Variants in LHFPL3 observed in about 807,000 individuals in gnomAD.
The protein encoded by LHFPL3 is LHFPL tetraspan subfamily member 3.
Under a neutral mutation model 19.3 loss-of-function variants are expected in LHFPL3, and 5 were observed. The ratio of observed to expected loss-of-function variants is 0.26; its 90% CI spans 0.14 to 0.54. The LOEUF is 0.54. Among genes scored for constraint, LHFPL3 ranks in the 20% least tolerant of loss-of-function variants. The pLI, the probability that LHFPL3 is intolerant of heterozygous loss-of-function variation, is 0.94. For synonymous variants in LHFPL3, 133 were observed against 126.2 expected, an observed-to-expected ratio of 1.05 and a Z score of -0.36; for missense variants, 249 against 307.4, an observed-to-expected ratio of 0.81 and a Z score of 1.42.
intron 2 of LHFPL3, among the ~76,000 whole-genome samples, chr7:104,756,499 T>TTTTA (rs1005556944): frequency 6.6e-6 from 1 of 152,072 alleles, no homozygotes; most frequent in Admixed American, 6.6e-5. Context: ...ACAATTTTAT[T>TTTTA]TTTATTTATT....
At chr7:104,368,085 T>C (rs4383914) in intron 1 of LHFPL3, among the ~76,000 whole-genome samples, 59,703 of 152,024 alleles carry the variant, frequency 0.39, 11,982 homozygotes, top group East Asian at 0.47. Flanking sequence ...TAGAGAGAAG[T>C]ATTGAGTGAA....
intron 2 of LHFPL3, among the ~76,000 whole-genome samples, chr7:104,767,253 A>T (rs553295781): frequency 6.6e-6 from 1 of 152,320 alleles, no homozygotes; most frequent in South Asian, 2.1e-4. Context: ...TCCGGGTAAG[A>T]TGGAGCTGAG....
intron 2 of LHFPL3, among the ~76,000 whole-genome samples, chr7:104,765,297 C>A (rs1349152213): frequency 6.6e-6 from 1 of 152,198 alleles, no homozygotes; most frequent in Non-Finnish European, 1.5e-5. Context: ...TGATAAAACA[C>A]ATCTGAAGTA....
chr7:104,454,103 G>A (rs1039001484), intron 1 of LHFPL3, among the ~76,000 whole-genome samples: 2 of 152,206 alleles, frequency 1.3e-5, no homozygotes, highest in South Asian at 2.1e-4. Flanking sequence ...CTTTGGGAAC[G>A]GTAATACCAT....
At chr7:104,586,344 T>C (rs781672321) in intron 1 of LHFPL3, among the ~76,000 whole-genome samples, 22 of 152,106 alleles carry the variant, frequency 1.4e-4, no homozygotes, top group Non-Finnish European at 3.1e-4. Flanking sequence ...AAAACAGCTA[T>C]TATAATTCAC....
intron 2 of LHFPL3, among the ~76,000 whole-genome samples, chr7:104,853,622 T>C (rs143294209): frequency 1.1e-3 from 167 of 152,344 alleles, no homozygotes; most frequent in African/African-American, 3.8e-3. Flanking sequence ...TTTATTTACT[T>C]AGAATGACAT....
chr7:104,660,003 CG>C (rs1792194381), intron 1 of LHFPL3, among the ~76,000 whole-genome samples: 2 of 81,762 alleles, frequency 2.4e-5, no homozygotes, highest in East Asian at 4.4e-4. Context: ...CACAGCAACT[CG>C]TTTTTTTTTT....
intron 1 of LHFPL3, among the ~76,000 whole-genome samples, 164 bp downstream of exon 1, chr7:104,329,388 C>G (rs1801527690): frequency 6.6e-6 from 1 of 152,146 alleles, no homozygotes; most frequent in Admixed American, 6.5e-5. Flanking sequence ...GAGGCCGGAA[C>G]CCCCGGGGTT....
intron 2 of LHFPL3, among the ~76,000 whole-genome samples, chr7:104,867,565 C>T (rs879672142): frequency 6.6e-6 from 1 of 152,136 alleles, no homozygotes; most frequent in Non-Finnish European, 1.5e-5. Context: ...ATAACAGACT[C>T]TGAAATTGAG....
intron 2 of LHFPL3, among the ~76,000 whole-genome samples, chr7:104,802,668 T>TTATCAGTTACCCAGGCTAAGA: frequency 6.6e-6 from 1 of 152,100 alleles, no homozygotes; most frequent in East Asian, 1.9e-4. Flanking sequence ...TTTCTGTTGT[T>TTATCAGTTACCCAGGCTAAGA]TATCAGTTAC....
At chr7:104,747,004 G>C (rs1361522825) in intron 2 of LHFPL3, among the ~76,000 whole-genome samples, 1 of 152,046 alleles carries the variant, frequency 6.6e-6, no homozygotes, top group Non-Finnish European at 1.5e-5. Context: ...TTTTTCATCT[G>C]GTTGCTTTAC....
At chr7:104,558,304 A>G (rs1263839012) in intron 1 of LHFPL3, among the ~76,000 whole-genome samples, 7 of 147,684 alleles carry the variant, frequency 4.7e-5, no homozygotes, top group South Asian at 2.2e-4. Context: ...AACAGTGTAA[A>G]AGTGTTCCTA....
chr7:104,490,455 G>T (rs924689323), intron 1 of LHFPL3, among the ~76,000 whole-genome samples: 5 of 152,026 alleles, frequency 3.3e-5, no homozygotes, highest in Non-Finnish European at 2.9e-5. Context: ...AGACACCAAA[G>T]GGTACAGCAA....
chr7:104,496,303 C>T (rs1195595094), intron 1 of LHFPL3, among the ~76,000 whole-genome samples: 2 of 151,086 alleles, frequency 1.3e-5, no homozygotes, highest in East Asian at 1.9e-4. Flanking sequence ...ATGAATTCAT[C>T]CTTTTTTATG....
At chr7:104,529,224 T>C (rs985784199) in intron 1 of LHFPL3, among the ~76,000 whole-genome samples, 3 of 152,200 alleles carry the variant, frequency 2.0e-5, no homozygotes, top group Admixed American at 1.3e-4. Context: ...CTTAGTAACA[T>C]GGCTTTCCTT....
rs559967608 is a variant in LHFPL3 at position 104,876,184 on chromosome 7, A to C, written c.683-30003A>C. Among the ~76,000 whole-genome samples, 377 of 152,346 alleles carry C rather than the reference A, an allele frequency of 2.5e-3. 1 individual carries two copies. The highest frequency in any genetic ancestry group is 2.9e-3 in the Non-Finnish European group (194 of 68,024). ...CCTAAAACCATAAAAACCCTAGAAG[A>C]AAACCTAGGCAATACCATTCAGGAC... On this transcript the variant is annotated intron_variant, in intron 2 of 2. Coordinates refer to ENST00000424859, the MANE Select transcript of LHFPL3 (RefSeq NM_199000.3).
chr7:104,764,615 A>C (rs1032860773), intron 2 of LHFPL3, among the ~76,000 whole-genome samples: 2 of 152,200 alleles, frequency 1.3e-5, no homozygotes, highest in African/African-American at 4.8e-5. Context: ...TTAATAATCC[A>C]TATCTACACT....
At chr7:104,739,004 T>A (rs1302067405) in intron 2 of LHFPL3, 1 of 152,220 alleles carries the variant, frequency 6.6e-6, no homozygotes, top group East Asian at 1.9e-4. Flanking sequence ...ACCAGATAGA[T>A]CCAATAAAGC....
chr7:104,417,956 C>T (rs1240413379), intron 1 of LHFPL3, among the ~76,000 whole-genome samples: 2 of 144,414 alleles, frequency 1.4e-5, no homozygotes, highest in Non-Finnish European at 3.0e-5. Flanking sequence ...AATCTTGGCT[C>T]ACTGTAGCCT....
Sources: allele counts gnomAD v4.1 joint callset (sites outside exome capture counted in the v4.1 genomes callset), GRCh38; gene constraint gnomAD v4.1.1; transcripts MANE v1.5; gene names NCBI Gene and HGNC (gene_info 2026-07-23, HGNC 2026-07-21).